Variants in PCDHGB3 observed in about 807,000 individuals in gnomAD.
PCDHGB3 encodes protocadherin gamma-B3.
PCDHGB3 carries 40 observed loss-of-function variants against 59.2 expected under a neutral mutation model. The ratio of observed to expected loss-of-function variants is 0.68; its 90% CI spans 0.52 to 0.88. PCDHGB3 has a LOEUF of 0.88. Among genes scored for constraint, PCDHGB3 ranks in the 40% least tolerant of loss-of-function variants. The pLI is 0.00. For missense variants in PCDHGB3, 1,309 were observed against 1,187.9 expected (o/e 1.10, Z -1.50); for synonymous variants, 581 against 503.6 (o/e 1.15, Z -2.06).
intron 1 of PCDHGB3, chr5:141,428,109 G>A: frequency 1.2e-6 from 2 of 1,607,850 alleles, no homozygotes; most frequent in Non-Finnish European, 1.7e-6. Context: ...CGTGCTGCAG[G>A]CCATCGAGCC....
chr5:141,404,862 C>A, intron 1 of PCDHGB3: 1 of 1,613,848 alleles, frequency 6.2e-7, no homozygotes, highest in Non-Finnish European at 8.5e-7. Context: ...GATAGAGATG[C>A]GCTCAAACAG....
Position 141,487,682 on chromosome 5 carries a change from G to A in PCDHGB3, c.2416-7125G>A, listed in dbSNP as rs757434520. On this transcript the variant is annotated intron_variant, in intron 1 of 3. Transcript: ENST00000576222. This position sits in a 1 kb window ranked among gnomAD's most constrained non-coding sequence, Gnocchi z 5.0. ...TGATCCAGGCATATGGCTAGGCCATGTCCTAGAGAGTACTGGCCTCTCAGT... is the reference window on the plus strand; with the variant it reads ...TGATCCAGGCATATGGCTAGGCCATATCCTAGAGAGTACTGGCCTCTCAGT... The A allele has an allele frequency of 1.2e-6, 2 of 1,607,256 alleles. No individual in the cohort carries two copies. Among genetic ancestry groups the A allele is most frequent in the East Asian group, 4.5e-5 (2 of 44,762 alleles).
chr5:141,501,501 T>C (rs2099809553), intron 2 of PCDHGB3, among the ~76,000 whole-genome samples: 1 of 151,938 alleles, frequency 6.6e-6, no homozygotes, highest in Non-Finnish European at 1.5e-5. Context: ...CTGCTGGGGC[T>C]CCAAGGCCTC....
intron 1 of PCDHGB3, chr5:141,383,280 T>C (rs1180064294): frequency 6.2e-7 from 1 of 1,613,786 alleles, no homozygotes; most frequent in Non-Finnish European, 8.5e-7. Context: ...TAGATATTAA[T>C]GACAACGTTC....
rs946798767 is a variant in PCDHGB3 at position 141,438,591 on chromosome 5, C to CATATAT, written c.2416-56176_2416-56171dup. Among the ~76,000 whole-genome samples the CATATAT allele has an allele frequency of 1.5e-3, 111 of 75,470 alleles. 1 individual carries two copies. Among genetic ancestry groups the CATATAT allele is most frequent in the Non-Finnish European group, 2.3e-3 (84 of 37,244 alleles). 49.5% of individuals were successfully genotyped at this position (75,470 alleles called of 152,430 possible). A position where few individuals can be genotyped will look rare whatever the true frequency, so the allele number is the denominator to read the frequency against. ...TCTGATATACATACATACATACATA[C>CATATAT]ATATATATATATATATATATATATA... On this transcript the variant is annotated intron_variant, in intron 1 of 3. Transcript: ENST00000576222.
chr5:141,405,995 A>T (rs985162414), intron 1 of PCDHGB3, among the ~76,000 whole-genome samples: 1 of 151,964 alleles, frequency 6.6e-6, no homozygotes. Context: ...GGTAGCTCTC[A>T]GCCTGCATTG....
At chr5:141,408,423 A>G (rs2095103444) in intron 1 of PCDHGB3, 1 of 1,614,078 alleles carries the variant, frequency 6.2e-7, no homozygotes. Flanking sequence ...GAGAAGCTGC[A>G]CTTCAGCGTA....
At chr5:141,496,928 G>A (rs2099772685) in intron 2 of PCDHGB3, among the ~76,000 whole-genome samples, 1 of 151,334 alleles carries the variant, frequency 6.6e-6, no homozygotes, top group Non-Finnish European at 1.5e-5. Context: ...GTTCACGCCT[G>A]TAATCCCAGC....
chr5:141,422,398 C>T lies in PCDHGB3; in HGVS notation c.2415+49589C>T, dbSNP rs2096646163. On this transcript the variant is annotated intron_variant, in intron 1 of 3. Transcript: ENST00000576222. Reference sequence around the variant, plus strand: ...AGTCTCCTGTTTTATTCCTAACCACCTGCCTTTTAAATTAGAAAAGACTTA... The same window carrying T: ...AGTCTCCTGTTTTATTCCTAACCACTTGCCTTTTAAATTAGAAAAGACTTA... The T allele has an allele frequency of 1.9e-6, 3 of 1,597,634 alleles. No individual in the cohort carries two copies. In the Admixed American group the frequency reaches 5.3e-5, roughly 28 times the overall value.
intron 1 of PCDHGB3, among the ~76,000 whole-genome samples, chr5:141,434,567 C>T (rs1220152239): frequency 6.6e-6 from 1 of 152,206 alleles, no homozygotes; most frequent in East Asian, 1.9e-4. Flanking sequence ...TAAGGACATG[C>T]CCCTGCTGCA....
At chr5:141,467,055 C>CTTTTTTTTTTTT (rs1193465269) in intron 1 of PCDHGB3, among the ~76,000 whole-genome samples, 1 of 134,498 alleles carries the variant, frequency 7.4e-6, no homozygotes. Context: ...TCAATGTTTT[C>CTTTTTTTTTTTT]TTTTTTTTTT....
At chr5:141,488,438 C>T (rs2099675393) in intron 1 of PCDHGB3, among the ~76,000 whole-genome samples, 1 of 152,146 alleles carries the variant, frequency 6.6e-6, no homozygotes, top group African/African-American at 2.4e-5. Flanking sequence ...CTCTGACCAC[C>T]CTCCTGGGTG....
At chr5:141,453,175 A>G (rs928062909) in intron 1 of PCDHGB3, among the ~76,000 whole-genome samples, 2 of 152,088 alleles carry the variant, frequency 1.3e-5, no homozygotes, top group African/African-American at 4.8e-5. Context: ...GTCCAGTGGT[A>G]CAATCACAGC....
Position 141,476,114 on chromosome 5 carries a change from G to A in PCDHGB3, c.2416-18693G>A. Reference sequence around the variant, plus strand: ...CCGCTGAGAGGAACTGCTTTTGAGTGAGATGGTCCCAGAGGCCTGGAGGAG... The same window carrying A: ...CCGCTGAGAGGAACTGCTTTTGAGTAAGATGGTCCCAGAGGCCTGGAGGAG... On this transcript the variant is annotated intron_variant, in intron 1 of 3. Coordinates refer to ENST00000576222, the MANE Select transcript of PCDHGB3 (RefSeq NM_018924.5). The surrounding 1 kb of genome is among the most constrained non-coding windows in gnomAD (Gnocchi z 7.6). 6.3e-7 allele frequency: 1 copy of A among 1,592,296 alleles called. No individual in the cohort carries two copies. The highest frequency in any genetic ancestry group is 8.5e-7 in the Non-Finnish European group (1 of 1,171,536).
In PCDHGB3 at chr5:141,487,472, G is replaced by A. The variant is rs2099645737; in HGVS notation, c.2416-7335G>A. The A allele has an allele frequency of 2.5e-6, 4 of 1,614,178 alleles. No individual in the cohort carries two copies. Among genetic ancestry groups the A allele is most frequent in the Non-Finnish European group, 3.4e-6 (4 of 1,180,036 alleles). Reference sequence around the variant, plus strand: ...CCCTATCAAGTTTGTTGATGTGGGAGGCCACTCTCATGGCTGTACACCCTT... The same window carrying A: ...CCCTATCAAGTTTGTTGATGTGGGAAGCCACTCTCATGGCTGTACACCCTT... On this transcript the variant is annotated intron_variant, in intron 1 of 3. Coordinates refer to ENST00000576222, the MANE Select transcript of PCDHGB3 (RefSeq NM_018924.5). This position sits in a 1 kb window ranked among gnomAD's most constrained non-coding sequence, Gnocchi z 5.0.
At chr5:141,480,059 T>G (rs1169389701) in intron 1 of PCDHGB3, among the ~76,000 whole-genome samples, 1 of 152,096 alleles carries the variant, frequency 6.6e-6, no homozygotes, top group African/African-American at 2.4e-5. Context: ...GAATAATAAG[T>G]GTTTTATAAG....
intron 1 of PCDHGB3, chr5:141,404,736 A>T: frequency 6.2e-7 from 1 of 1,613,622 alleles, no homozygotes. Context: ...GTGGCAGTGG[A>T]CAGAGACTCA....
chr5:141,379,313 AG>A (rs1433876569), intron 1 of PCDHGB3: 2 of 152,264 alleles, frequency 1.3e-5, no homozygotes, highest in Non-Finnish European at 2.9e-5. Context: ...CCTAAACAAG[AG>A]ATCTAATCAT....
intron 1 of PCDHGB3, chr5:141,403,454 C>A: frequency 6.2e-7 from 1 of 1,614,054 alleles, no homozygotes; most frequent in Non-Finnish European, 8.5e-7. Flanking sequence ...GAACTCCCTC[C>A]AGAGCTACCA....
Sources: allele counts gnomAD v4.1 joint callset (sites outside exome capture counted in the v4.1 genomes callset), GRCh38; gene constraint gnomAD v4.1.1; non-coding constraint Gnocchi (gnomAD v3.1); transcripts MANE v1.5; gene names NCBI Gene and HGNC (gene_info 2026-07-23, HGNC 2026-07-21).